Variants in SOX5 observed in about 807,000 individuals in gnomAD.
SOX5 encodes the protein SRY-box transcription factor 5.
Under a neutral mutation model 92.0 loss-of-function variants are expected in SOX5, and 9 were observed. The ratio of observed to expected loss-of-function variants is 0.10; its 90% confidence interval spans 0.06 to 0.17. SOX5 has a LOEUF of 0.17. SOX5 is among the 10% of genes least tolerant of loss of function. The probability of loss-of-function intolerance (pLI) is 1.00; values close to 1 mark genes in which losing one functional copy is unlikely to be tolerated. For synonymous variants in SOX5, 344 were observed against 336.3 expected (o/e 1.02, Z -0.25); for missense variants, 642 against 944.5 (o/e 0.68, Z 4.20).
intron 4 of SOX5, among the ~76,000 whole-genome samples, chr12:24,206,096 G>A (rs533859137): frequency 1.1e-4 from 16 of 152,180 alleles, no homozygotes; most frequent in East Asian, 9.7e-4. Flanking sequence ...CCCTCATTTT[G>A]TATATAAGTA....
intron 6 of SOX5, among the ~76,000 whole-genome samples, chr12:23,700,826 A>T (rs1443007474): frequency 6.6e-6 from 1 of 152,048 alleles, no homozygotes; most frequent in Non-Finnish European, 1.5e-5. Context: ...TCCTTAGTGT[A>T]CTGTATTTTG....
chr12:24,270,884 T>C (rs1418269972), intron 3 of SOX5, among the ~76,000 whole-genome samples: 1 of 152,254 alleles, frequency 6.6e-6, no homozygotes, highest in African/African-American at 2.4e-5. Context: ...TCACATGTCA[T>C]TGTACGATTG....
chr12:24,494,816 G>GAA (rs112391410), intron 1 of SOX5, among the ~76,000 whole-genome samples: 1 of 147,764 alleles, frequency 6.8e-6, no homozygotes, highest in African/African-American at 2.5e-5. Flanking sequence ...TCAATGTAAT[G>GAA]AAAAAAAAAA....
At chr12:23,903,239 C>G (rs1008423746) in intron 1 of SOX5, among the ~76,000 whole-genome samples, 6 of 152,096 alleles carry the variant, frequency 3.9e-5, no homozygotes, top group Non-Finnish European at 7.4e-5. Flanking sequence ...TCTCACTAAT[C>G]AGAAAATGCT....
At chr12:23,858,586 C>T in intron 2 of SOX5, among the ~76,000 whole-genome samples, 1 of 152,138 alleles carries the variant, frequency 6.6e-6, no homozygotes, top group East Asian at 1.9e-4. Context: ...AACCCTTATA[C>T]ACTGTTGGTG....
intron 5 of SOX5, among the ~76,000 whole-genome samples, chr12:23,738,700 G>C (rs777662308): frequency 1.2e-4 from 19 of 152,138 alleles, no homozygotes; most frequent in Non-Finnish European, 2.5e-4. Flanking sequence ...GGACATGTGT[G>C]CCCTCAGACC....
intron 8 of SOX5, among the ~76,000 whole-genome samples, chr12:23,613,105 G>A (rs2076156404): frequency 6.6e-6 from 1 of 152,114 alleles, no homozygotes; most frequent in Admixed American, 6.6e-5. Context: ...CAAGTGTAAT[G>A]CATGAAAACC....
intron 2 of SOX5, among the ~76,000 whole-genome samples, chr12:24,339,125 C>G (rs1952258199): frequency 6.8e-6 from 1 of 148,080 alleles, no homozygotes; most frequent in Non-Finnish European, 1.5e-5. Flanking sequence ...ATAATCCCTG[C>G]CTGTCTGTCT....
At chr12:24,294,181 T>C (rs1456026108) in intron 2 of SOX5, among the ~76,000 whole-genome samples, 1 of 152,134 alleles carries the variant, frequency 6.6e-6, no homozygotes, top group Non-Finnish European at 1.5e-5. Context: ...AAATAATGCT[T>C]AAATGACCAG....
At chr12:24,455,783 G>A (rs1483855702) in intron 1 of SOX5, among the ~76,000 whole-genome samples, 1 of 152,130 alleles carries the variant, frequency 6.6e-6, no homozygotes, top group Non-Finnish European at 1.5e-5. Context: ...CCAGGACCAA[G>A]GCCCTCCTTC....
At chr12:24,482,036 A>G (rs911761495) in intron 1 of SOX5, among the ~76,000 whole-genome samples, 3 of 152,222 alleles carry the variant, frequency 2.0e-5, no homozygotes, top group African/African-American at 7.2e-5. Flanking sequence ...GAAAAACAAA[A>G]CATGTGAATA....
chr12:24,213,507 C>A, intron 3 of SOX5: 1 of 146,066 alleles, frequency 6.8e-6, no homozygotes, highest in Non-Finnish European at 1.5e-5. Context: ...AGAGTAATTC[C>A]AAATAAATAA....
At chr12:24,487,139 G>T (rs1946605161) in intron 1 of SOX5, among the ~76,000 whole-genome samples, 2 of 152,046 alleles carry the variant, frequency 1.3e-5, no homozygotes, top group Non-Finnish European at 2.9e-5. Context: ...TAATTCTAAA[G>T]AATATTTAAA....
At chr12:24,134,353 A>T (rs1032359962) in intron 4 of SOX5, among the ~76,000 whole-genome samples, 17 of 152,196 alleles carry the variant, frequency 1.1e-4, no homozygotes, top group African/African-American at 3.6e-4. Context: ...ACCATGAAAA[A>T]GCCTGCCATC....
intron 1 of SOX5, among the ~76,000 whole-genome samples, chr12:24,432,156 A>C (rs1938474240): frequency 6.6e-6 from 1 of 152,176 alleles, no homozygotes; most frequent in African/African-American, 2.4e-5. Context: ...TCCTTGGTGT[A>C]TTCTGTTGTG....
intron 3 of SOX5, among the ~76,000 whole-genome samples, chr12:24,244,073 G>T (rs913008587): frequency 6.6e-6 from 1 of 150,650 alleles, no homozygotes; most frequent in African/African-American, 2.4e-5. Context: ...AAAAGAAAAG[G>T]TTGGACATTT....
At chr12:23,909,834 AT>A (rs59759578) in intron 1 of SOX5, among the ~76,000 whole-genome samples, 1 of 151,330 alleles carries the variant, frequency 6.6e-6, no homozygotes, top group Non-Finnish European at 1.5e-5. Context: ...ATGCTAGAAC[AT>A]TTTTTTTCCA....
At chr12:23,994,802 G>A (rs1414663654) in intron 4 of SOX5, among the ~76,000 whole-genome samples, 1 of 152,064 alleles carries the variant, frequency 6.6e-6, no homozygotes, top group African/African-American at 2.4e-5. Context: ...AACCTTCACA[G>A]AAAAAAATGG....
chr12:23,927,251 T>C (rs1043792268), intron 1 of SOX5, among the ~76,000 whole-genome samples: 14 of 152,202 alleles, frequency 9.2e-5, no homozygotes, highest in African/African-American at 3.4e-4. Context: ...CTTGGCTCTC[T>C]GGTAACTTCT....
Sources: gnomAD v4.1 joint callset for allele counts (sites outside exome capture counted in the v4.1 genomes callset) on GRCh38, gnomAD v4.1.1 for gene constraint, MANE v1.5 for transcripts, NCBI Gene and HGNC (gene_info 2026-07-23, HGNC 2026-07-21) for gene names.